The following ZC3H12B variants were observed in gnomAD, a reference collection of about 807,000 sequenced individuals.
The protein encoded by ZC3H12B is zinc finger CCCH-type containing 12B.
A neutral mutation model predicts 43.9 loss-of-function variants in ZC3H12B; 7 were observed. That is an observed-to-expected ratio of 0.16 (90% CI 0.09 to 0.30). The LOEUF is 0.30. Ranked by LOEUF, ZC3H12B falls within the 10% of genes least tolerant of loss-of-function variation. The probability of loss-of-function intolerance (pLI) is 1.00; values close to 1 mark genes in which losing one functional copy is unlikely to be tolerated. For synonymous variants in ZC3H12B, 222 were observed against 241.7 expected, an observed-to-expected ratio of 0.92 and a Z score of 0.76; for missense variants, 475 against 670.2, an observed-to-expected ratio of 0.71 and a Z score of 3.22.
the ZC3H12B span, among the ~76,000 whole-genome samples, chrX:65,198,446 A>C: frequency 8.9e-6 from 1 of 111,861 alleles, no homozygotes; most frequent in East Asian, 2.8e-4. Context: ...GAAATTCCTC[A>C]ACGTTTTTGA....
the ZC3H12B span, among the ~76,000 whole-genome samples, chrX:65,077,535 G>T: frequency 4.4e-3 from 496 of 111,929 alleles, 11 homozygotes; most frequent in East Asian, 0.05. Context: ...TATGTGGGCA[G>T]ATCAGCTCAC....
upstream of ZC3H12B, among the ~76,000 whole-genome samples, chrX:65,362,223 C>T (rs2066113042): frequency 1.8e-5 from 2 of 111,684 alleles, no homozygotes; most frequent in African/African-American, 6.5e-5. Flanking sequence ...CCTACAGACA[C>T]TTTGAGTAAC....
chrX:65,157,609 C>G, the ZC3H12B span, among the ~76,000 whole-genome samples: 19 of 111,020 alleles, frequency 1.7e-4, no homozygotes, highest in East Asian at 5.1e-3. Context: ...TAAATATGTC[C>G]TTTGTAACAG....
At chrX:65,056,271 G>A in the ZC3H12B span, among the ~76,000 whole-genome samples, 19 of 111,442 alleles carry the variant, frequency 1.7e-4, no homozygotes, top group East Asian at 5.1e-3. Flanking sequence ...ATGTGTCCCA[G>A]AGATTCTGGT....
the ZC3H12B span, among the ~76,000 whole-genome samples, chrX:65,338,410 T>A: frequency 8.9e-6 from 1 of 111,959 alleles, no homozygotes; most frequent in Admixed American, 9.4e-5. Context: ...ACAGATAGAT[T>A]CACAGTTGAA....
At chrX:65,104,834 A>G in the ZC3H12B span, among the ~76,000 whole-genome samples, 3 of 111,791 alleles carry the variant, frequency 2.7e-5, no homozygotes, top group Admixed American at 1.9e-4. Context: ...ACCATTGTGG[A>G]AAACAGTGTG....
chrX:65,066,892 G>C, the ZC3H12B span, among the ~76,000 whole-genome samples: 2 of 111,737 alleles, frequency 1.8e-5, no homozygotes. Flanking sequence ...GCTGCCCTGC[G>C]GTGGGCTCTA....
the ZC3H12B span, among the ~76,000 whole-genome samples, chrX:65,234,617 A>G: frequency 8.9e-6 from 1 of 112,035 alleles, no homozygotes; most frequent in Non-Finnish European, 1.9e-5. Context: ...AAATCTAAGG[A>G]CTCTACCAAA....
chrX:65,507,392 GAAAC>G (rs1259502153), exon 5 of ZC3H12B: 1 of 112,312 alleles, frequency 8.9e-6, no homozygotes, highest in Admixed American at 9.5e-5. Context: ...GTTCTCATTG[GAAAC>G]AAACAAGTGT....
chrX:65,255,988 C>G, the ZC3H12B span, among the ~76,000 whole-genome samples: 3 of 112,435 alleles, frequency 2.7e-5, no homozygotes, highest in Non-Finnish European at 5.6e-5. Context: ...GAAGACATAG[C>G]TATTTTAAAT....
chrX:65,139,033 C>A, the ZC3H12B span, among the ~76,000 whole-genome samples: 1 of 112,229 alleles, frequency 8.9e-6, no homozygotes, highest in African/African-American at 3.2e-5. Flanking sequence ...TATCCCATTT[C>A]ATAGGTTGTC....
At chrX:65,277,788 T>A in the ZC3H12B span, among the ~76,000 whole-genome samples, 2 of 111,517 alleles carry the variant, frequency 1.8e-5, no homozygotes, top group African/African-American at 6.5e-5. Flanking sequence ...AACCATTTAA[T>A]AATACACTTC....
At chrX:65,056,217 G>A in the ZC3H12B span, among the ~76,000 whole-genome samples, 25 of 111,253 alleles carry the variant, frequency 2.2e-4, no homozygotes, top group Non-Finnish European at 4.7e-4. Context: ...GCTTTTTCTT[G>A]TGGGCATTTA....
chrX:65,391,882 C>T (rs758051515), intron 2 of ZC3H12B, among the ~76,000 whole-genome samples: 6 of 111,367 alleles, frequency 5.4e-5, no homozygotes, highest in African/African-American at 2.0e-4. Context: ...TCTCCTGCCT[C>T]AGCCTGCCAA....
At chrX:65,380,263 C>G (rs2066417546) in intron 2 of ZC3H12B, among the ~76,000 whole-genome samples, 1 of 111,037 alleles carries the variant, frequency 9.0e-6, no homozygotes, top group Admixed American at 9.6e-5. Context: ...GATCTCTCAG[C>G]AGAAACTCTA....
At chrX:65,108,946 G>T in the ZC3H12B span, among the ~76,000 whole-genome samples, 1 of 110,966 alleles carries the variant, frequency 9.0e-6, no homozygotes, top group African/African-American at 3.3e-5. Flanking sequence ...ATCCATTGTT[G>T]ACCAAAACAT....
chrX:65,211,259 C>T, the ZC3H12B span, among the ~76,000 whole-genome samples: 31 of 108,929 alleles, frequency 2.8e-4, no homozygotes, highest in Non-Finnish European at 5.5e-4. Flanking sequence ...TGTAGGTTGC[C>T]TGTTCACTCA....
the ZC3H12B span, among the ~76,000 whole-genome samples, chrX:65,317,808 A>G: frequency 2.9e-5 from 3 of 103,067 alleles, no homozygotes; most frequent in Admixed American, 3.2e-4. Flanking sequence ...ACACATATAC[A>G]CACACTATAT....
the ZC3H12B span, among the ~76,000 whole-genome samples, chrX:65,061,504 T>C: frequency 8.9e-6 from 1 of 112,638 alleles, no homozygotes; most frequent in Admixed American, 9.4e-5. Context: ...ACTCATTCTT[T>C]TTTATGACTG....
Sources: allele counts gnomAD v4.1 joint callset (sites outside exome capture counted in the v4.1 genomes callset), GRCh38; gene constraint gnomAD v4.1.1; transcripts MANE v1.5; gene names NCBI Gene and HGNC (gene_info 2026-07-23, HGNC 2026-07-21).